NFIB: variants seen among roughly 807,000 people sequenced by gnomAD.
The protein encoded by NFIB is nuclear factor I B, also known as nuclear factor 1 B-type.
Under a neutral mutation model 61.5 loss-of-function variants are expected in NFIB, and 11 were observed. The observed-to-expected ratio is 0.18, with a 90% CI of 0.11 to 0.30. The LOEUF is 0.30. NFIB is among the 10% of genes least tolerant of loss of function. The probability of loss-of-function intolerance (pLI) is 1.00; values close to 1 mark genes in which losing one functional copy is unlikely to be tolerated. For synonymous variants in NFIB, 260 were observed against 216.5 expected (o/e 1.20, Z -1.76); for missense variants, 471 against 608.9 (o/e 0.77, Z 2.38).
chr9:14,093,873 T>G (rs914045096), intron 10 of NFIB, among the ~76,000 whole-genome samples: 7 of 152,072 alleles, frequency 4.6e-5, no homozygotes, highest in African/African-American at 9.7e-5. Flanking sequence ...AACACTTAAG[T>G]TGAATCTATT....
At chr9:14,125,436 G>C (rs564629670) in intron 7 of NFIB, among the ~76,000 whole-genome samples, 196 bp downstream of exon 7, 1 of 152,206 alleles carries the variant, frequency 6.6e-6, no homozygotes, top group Non-Finnish European at 1.5e-5. Flanking sequence ...GATTACAGGC[G>C]TGAGCCCCTG....
intron 2 of NFIB, among the ~76,000 whole-genome samples, chr9:14,196,288 A>G (rs10810109): frequency 0.4 from 60,132 of 152,080 alleles, 14,789 homozygotes; most frequent in Non-Finnish European, 0.55. Flanking sequence ...GTTAAAGTGA[A>G]AAAATATGAA....
At chr9:14,268,377 T>C (rs2057368084) in intron 2 of NFIB, among the ~76,000 whole-genome samples, 1 of 152,072 alleles carries the variant, frequency 6.6e-6, no homozygotes, top group Non-Finnish European at 1.5e-5. Context: ...ACCCTACTCT[T>C]TCAGCCTAGT....
At chr9:14,094,839 T>C (rs543037097) in intron 10 of NFIB, among the ~76,000 whole-genome samples, 1 of 152,262 alleles carries the variant, frequency 6.6e-6, no homozygotes, top group East Asian at 1.9e-4. Flanking sequence ...AAATAGCATA[T>C]CAAAATGGTA....
chr9:14,379,531 A>C (rs2061458681), intron 1 of NFIB, among the ~76,000 whole-genome samples: 1 of 152,168 alleles, frequency 6.6e-6, no homozygotes, highest in African/African-American at 2.4e-5. Context: ...TTTTGTAAAT[A>C]ACCTGACTCA....
the NFIB span, among the ~76,000 whole-genome samples, chr9:14,464,991 G>T: frequency 6.6e-6 from 1 of 152,134 alleles, no homozygotes; most frequent in Non-Finnish European, 1.5e-5. Context: ...GTGCCATGAT[G>T]ACAGGCTACA....
rs547266484 is a variant in NFIB at position 14,238,123 on chromosome 9, C to G, written c.563-58343G>C. Among the ~76,000 whole-genome samples, 4 of 152,028 alleles carry G rather than the reference C, an allele frequency of 2.6e-5. No individual in the cohort carries two copies. In the South Asian group the frequency reaches 8.3e-4, roughly 32 times the overall value. On this transcript the variant is annotated intron_variant, in intron 2 of 10. Transcript: ENST00000380953. ...TTTTGGGGGCACATGTAATTTAAGT[C>G]TTCCTCTGAATGAGGTAAGGGAGCA...
intron 3 of NFIB, among the ~76,000 whole-genome samples, chr9:14,169,418 C>G (rs1260905926): frequency 6.6e-6 from 1 of 152,064 alleles, no homozygotes; most frequent in Non-Finnish European, 1.5e-5. Flanking sequence ...CCCTAAAGAG[C>G]AGAATGTAAG....
chr9:14,140,256 G>A (rs2041534050), intron 6 of NFIB, among the ~76,000 whole-genome samples: 1 of 152,100 alleles, frequency 6.6e-6, no homozygotes, highest in Admixed American at 6.6e-5. Context: ...TAATGTTAAT[G>A]ACTCCCAGAT....
chr9:14,530,302 A>G, the NFIB span, among the ~76,000 whole-genome samples: 3 of 152,164 alleles, frequency 2.0e-5, no homozygotes, highest in African/African-American at 7.2e-5. Context: ...GCACAGTACT[A>G]AAGTATAGTA....
At chr9:14,290,462 C>T (rs1017936501) in intron 2 of NFIB, among the ~76,000 whole-genome samples, 1 of 152,002 alleles carries the variant, frequency 6.6e-6, no homozygotes, top group Admixed American at 6.6e-5. Flanking sequence ...TCAGTTTACC[C>T]TCACAATTGC....
the NFIB span, among the ~76,000 whole-genome samples, chr9:14,493,786 C>T: frequency 1.3e-5 from 2 of 152,172 alleles, no homozygotes; most frequent in African/African-American, 4.8e-5. Flanking sequence ...CCATGTGAGG[C>T]TATTTTCCTT....
Position 14,355,972 on chromosome 9 carries a change from T to TA in NFIB, c.108+42551dup, listed in dbSNP as rs377112705. 6.9e-3 allele frequency among the ~76,000 whole-genome samples: 673 copies of TA among 97,206 alleles called. 3 individuals are homozygous for TA. Among genetic ancestry groups the TA allele is most frequent in the Non-Finnish European group, 9.1e-3 (423 of 46,694 alleles). 63.8% of individuals were successfully genotyped at this position (97,206 alleles called of 152,430 possible). On this transcript the variant is annotated intron_variant, in intron 1 of 8. Coordinates refer to the NFIB transcript ENST00000380934. ...ACTCCGCCTCAAACAAACAAACAAA[T>TA]AAAAAAAAAAAAAAAAGGCCAATTT...
chr9:14,370,847 C>A (rs2061350031), intron 1 of NFIB, among the ~76,000 whole-genome samples: 1 of 152,198 alleles, frequency 6.6e-6, no homozygotes, highest in African/African-American at 2.4e-5. Context: ...GTAATTCCAG[C>A]AGTTTGGGAG....
chr9:14,414,417 G>C, the NFIB span, among the ~76,000 whole-genome samples: 1 of 134,344 alleles, frequency 7.4e-6, no homozygotes, highest in Admixed American at 7.8e-5. Flanking sequence ...CCTGCGGACA[G>C]AGTGAGACTG....
intron 2 of NFIB, among the ~76,000 whole-genome samples, chr9:14,205,905 T>C (rs903890149): frequency 6.0e-5 from 9 of 151,012 alleles, no homozygotes; most frequent in African/African-American, 2.2e-4. Context: ...TTGAATAATG[T>C]CTATTCTCCA....
chr9:14,381,526 T>TATAATTATTTTTTA (rs1437847058), intron 1 of NFIB, among the ~76,000 whole-genome samples: 1 of 152,232 alleles, frequency 6.6e-6, no homozygotes, highest in Non-Finnish European at 1.5e-5. Context: ...ATTTTTTAAA[T>TATAATTATTTTTTA]AGTAATTATC....
In NFIB at chr9:14,372,748, G is replaced by A. The variant is rs147529487; in HGVS notation, c.108+25776C>T. On this transcript the variant is annotated intron_variant, in intron 1 of 8. Coordinates refer to the NFIB transcript ENST00000380934. ...CTTAATTATAAAATGGCATTGCAGT[G>A]TCCCTTTGAGTTGGCTGGCTGTAGC... Among the ~76,000 whole-genome samples, 3 of 152,274 alleles carry A rather than the reference G, an allele frequency of 2.0e-5. No homozygotes were observed. The East Asian group carries it at 5.8e-4, about 29-fold the overall frequency.
chr9:14,170,475 C>A (rs2045445969), intron 3 of NFIB, among the ~76,000 whole-genome samples: 1 of 152,134 alleles, frequency 6.6e-6, no homozygotes, highest in African/African-American at 2.4e-5. Flanking sequence ...GGCTCTGTCT[C>A]TACAAAAAAA....
Sources: gnomAD v4.1 joint callset for allele counts (sites outside exome capture counted in the v4.1 genomes callset) on GRCh38, gnomAD v4.1.1 for gene constraint, MANE v1.5 for transcripts, NCBI Gene and HGNC (gene_info 2026-07-23, HGNC 2026-07-21) for gene names.